NUDT19: variants seen among roughly 807,000 people sequenced by gnomAD.
NUDT19 encodes the protein nudix hydrolase 19.
Under a neutral mutation model 22.2 loss-of-function variants are expected in NUDT19, and 31 were observed. The ratio of observed to expected loss-of-function variants is 1.40; its 90% CI spans 1.05 to 1.89. The LOEUF is 1.89. Among genes scored for constraint, NUDT19 ranks in the 40% most tolerant of loss-of-function variants. NUDT19 has a pLI of 0.00. For missense variants in NUDT19, 752 were observed against 514.2 expected, an observed-to-expected ratio of 1.46 and a Z score of -4.47; for synonymous variants, 325 against 230.8, an observed-to-expected ratio of 1.41 and a Z score of -3.70.
At chr19:32,698,034 A>G (rs1276592330) in intron 1 of NUDT19, among the ~76,000 whole-genome samples, 2 of 152,166 alleles carry the variant, frequency 1.3e-5, no homozygotes, top group Non-Finnish European at 2.9e-5. Flanking sequence ...GAGGATTATC[A>G]TTAATAGGAA....
At chr19:32,693,577 C>A (rs1968229703) in intron 1 of NUDT19, among the ~76,000 whole-genome samples, 1 of 151,802 alleles carries the variant, frequency 6.6e-6, no homozygotes, top group African/African-American at 2.4e-5. Context: ...TTGGCCCTGC[C>A]CATGTCCTGC....
chr19:32,709,064 A>G, intron 1 of NUDT19, 121 bp from the exon 2 acceptor site: 1 of 731,026 alleles, frequency 1.4e-6, no homozygotes, highest in Admixed American at 2.0e-5. Context: ...GGGATCTCAC[A>G]GGGCGCATTA....
chr19:32,694,936 C>T (rs779109898), intron 1 of NUDT19, among the ~76,000 whole-genome samples: 2 of 152,190 alleles, frequency 1.3e-5, no homozygotes, highest in Non-Finnish European at 2.9e-5. Flanking sequence ...TTTCCTTAAT[C>T]GCCCAGGAGG....
chr19:32,694,779 A>G (rs1968244243), intron 1 of NUDT19, among the ~76,000 whole-genome samples: 1 of 152,220 alleles, frequency 6.6e-6, no homozygotes, highest in South Asian at 2.1e-4. Flanking sequence ...ATTGGTATAG[A>G]TGGCTCCTTC....
At chr19:32,707,447 AC>A in intron 1 of NUDT19, among the ~76,000 whole-genome samples, 1 of 152,086 alleles carries the variant, frequency 6.6e-6, no homozygotes, top group Non-Finnish European at 1.5e-5. Flanking sequence ...CAAACCTTTG[AC>A]CTACAGTCAT....
Position 32,713,771 on chromosome 19 carries a change from A to G in NUDT19, c.*1814A>G, listed in dbSNP as rs1224970217. 2.6e-5 allele frequency: 4 copies of G among 152,222 alleles called. No individual in the cohort carries two copies. Among genetic ancestry groups the G allele is most frequent in the Non-Finnish European group, 5.9e-5 (4 of 68,050 alleles). 9.4% of individuals were successfully genotyped at this position (152,222 alleles called of 1,614,324 possible). On this transcript the variant is annotated 3_prime_UTR_variant, in exon 3 of 3. Coordinates refer to ENST00000397061, the MANE Select transcript of NUDT19 (RefSeq NM_001105570.2). Reference sequence around the variant, plus strand: ...CTATAACATAAAGACAATGATGAATAAAGTTTATGTGTATGATTAAATCCA... The same window carrying G: ...CTATAACATAAAGACAATGATGAATGAAGTTTATGTGTATGATTAAATCCA...
chr19:32,694,564 G>A (rs1968241805), intron 1 of NUDT19, among the ~76,000 whole-genome samples: 1 of 152,174 alleles, frequency 6.6e-6, no homozygotes, highest in African/African-American at 2.4e-5. Context: ...TATAAGTAGG[G>A]GTATCAGTTG....
chr19:32,692,167 G>C lies in NUDT19; in HGVS notation c.207G>C (p.Ala69=), dbSNP rs1014830835. 1.3e-6 allele frequency: 2 copies of C among 1,531,026 alleles called. No homozygotes were observed. The highest frequency in any genetic ancestry group is 1.7e-6 in the Non-Finnish European group (2 of 1,148,792). 94.8% of individuals were successfully genotyped at this position (1,531,026 alleles called of 1,614,324 possible). A position where few individuals can be genotyped will look rare whatever the true frequency, so the allele number is the denominator to read the frequency against. ...TCTTCTCCGGCGGAGTGCTGGATGCGGCCGACCGCTCGGCGGACTGGCTGG... is the reference window on the plus strand; with the variant it reads ...TCTTCTCCGGCGGAGTGCTGGATGCCGCCGACCGCTCGGCGGACTGGCTGG... ...AHVFSGGVLD[A]ADRSADWLGL... Residue 69 remains alanine, a synonymous_variant, in exon 1 of 3, where the codon GCG becomes GCC. Coordinates refer to ENST00000397061, the MANE Select transcript of NUDT19 (RefSeq NM_001105570.2).
chr19:32,701,488 G>C (rs1048491916), intron 1 of NUDT19, among the ~76,000 whole-genome samples: 1 of 152,122 alleles, frequency 6.6e-6, no homozygotes, highest in African/African-American at 2.4e-5. Context: ...GTGAGCCACT[G>C]TGCCTGGCCA....
chr19:32,698,676 A>G (rs1599798052), intron 1 of NUDT19, among the ~76,000 whole-genome samples: 1 of 152,332 alleles, frequency 6.6e-6, no homozygotes, highest in East Asian at 1.9e-4. Context: ...ACAGCAGCAG[A>G]AACACTAGTT....
chr19:32,699,659 A>G (rs1250679315), intron 1 of NUDT19, among the ~76,000 whole-genome samples: 2 of 152,214 alleles, frequency 1.3e-5, no homozygotes, highest in Non-Finnish European at 2.9e-5. Flanking sequence ...CAGAATAGCA[A>G]GCGAAAGGGG....
At chr19:32,704,325 G>A (rs561744532) in intron 1 of NUDT19, among the ~76,000 whole-genome samples, 43 of 150,898 alleles carry the variant, frequency 2.8e-4, no homozygotes, top group Non-Finnish European at 5.6e-4. Flanking sequence ...GCAATGGCAC[G>A]ATCTTGGCTC....
Position 32,711,762 on chromosome 19 carries a change from A to G in NUDT19, c.933A>G (p.Leu311=), listed in dbSNP as rs759322167. The change falls in exon 3 of 3, where the codon CTA becomes CTG. Residue 311 remains leucine (L), a synonymous_variant. Transcript: ENST00000397061. ...TTTTTCCTTTTTCAGGTGATGAGCT[A>G]TATTTAGAAGATTCAGACTTTTTGG... ...GMVHLLPGDE[L]YLEDSDFLEN... 1.3e-6 allele frequency: 2 copies of G among 1,599,660 alleles called. No homozygotes were observed. The highest frequency in any genetic ancestry group is 1.1e-5 in the South Asian group (1 of 90,650).
At chr19:32,703,424 C>A (rs909364439) in intron 1 of NUDT19, among the ~76,000 whole-genome samples, 2 of 152,146 alleles carry the variant, frequency 1.3e-5, no homozygotes, top group Non-Finnish European at 2.9e-5. Context: ...TCTCAGCTCA[C>A]CACAGCCTCT....
intron 1 of NUDT19, among the ~76,000 whole-genome samples, chr19:32,699,106 C>T (rs797022246): frequency 4.6e-5 from 7 of 152,286 alleles, no homozygotes; most frequent in African/African-American, 1.4e-4. Flanking sequence ...ATCCCCCCTA[C>T]GATGGGGCTT....
intron 1 of NUDT19, among the ~76,000 whole-genome samples, chr19:32,694,284 A>G (rs1230955881): frequency 6.6e-6 from 1 of 152,140 alleles, no homozygotes; most frequent in Non-Finnish European, 1.5e-5. Context: ...GGCATCTTGC[A>G]CTATCCCTGA....
intron 2 of NUDT19, among the ~76,000 whole-genome samples, chr19:32,711,299 C>T (rs979296750): frequency 2.6e-5 from 4 of 151,976 alleles, no homozygotes; most frequent in Admixed American, 2.6e-4. Context: ...CCTGTCTCTA[C>T]TAACAATACA....
chr19:32,707,066 C>T (rs1291632051), intron 1 of NUDT19, among the ~76,000 whole-genome samples: 1 of 152,242 alleles, frequency 6.6e-6, no homozygotes, highest in Non-Finnish European at 1.5e-5. Context: ...GCGTGAGCCA[C>T]TGCACTCAGC....
At chr19:32,704,749 T>C (rs951206535) in intron 1 of NUDT19, among the ~76,000 whole-genome samples, 2 of 152,326 alleles carry the variant, frequency 1.3e-5, no homozygotes, top group South Asian at 2.1e-4. Flanking sequence ...GCAATTTTTA[T>C]TGAATGTTGG....
Sources: gnomAD v4.1 joint callset for allele counts (sites outside exome capture counted in the v4.1 genomes callset) on GRCh38, gnomAD v4.1.1 for gene constraint, MANE v1.5 for transcripts, NCBI Gene and HGNC (gene_info 2026-07-23, HGNC 2026-07-21) for gene names.